PPFIA2: variants seen among roughly 807,000 people sequenced by gnomAD.
PPFIA2 encodes the protein liprin-alpha-2.
In PPFIA2, 46 loss-of-function variants were observed where a neutral mutation model predicts 175.5. The ratio of observed to expected loss-of-function variants is 0.26; its 90% CI spans 0.21 to 0.34. PPFIA2 has a LOEUF of 0.34. Among genes scored for constraint, PPFIA2 ranks in the 10% least tolerant of loss-of-function variants. PPFIA2 has a pLI of 1.00. For missense variants in PPFIA2, 1,179 were observed against 1,506.1 expected, an observed-to-expected ratio of 0.78 and a Z score of 3.60; for synonymous variants, 568 against 511.4, an observed-to-expected ratio of 1.11 and a Z score of -1.49.
chr12:81,357,614 T>A (rs2061042078), intron 16 of PPFIA2, among the ~76,000 whole-genome samples: 1 of 152,188 alleles, frequency 6.6e-6, no homozygotes, highest in Non-Finnish European at 1.5e-5. Flanking sequence ...AAATACCAAT[T>A]TTAATTAAGT....
intron 8 of PPFIA2, among the ~76,000 whole-genome samples, chr12:81,387,430 T>C (rs963015553): frequency 2.0e-5 from 3 of 151,950 alleles, no homozygotes; most frequent in Admixed American, 6.6e-5. Context: ...GAAAGCATCA[T>C]GAAAGCAGTG....
At chr12:81,280,946 A>G (rs576768477) in intron 27 of PPFIA2, among the ~76,000 whole-genome samples, 3 of 152,236 alleles carry the variant, frequency 2.0e-5, no homozygotes, top group African/African-American at 7.2e-5. Context: ...ATAAACACAT[A>G]TAACTATAAA....
intron 17 of PPFIA2, among the ~76,000 whole-genome samples, chr12:81,350,838 G>T (rs1186092510): frequency 6.6e-6 from 1 of 152,060 alleles, no homozygotes; most frequent in Non-Finnish European, 1.5e-5. Context: ...GTGCAGTAGG[G>T]TGATGATAGG....
At chr12:81,739,833 C>T (rs535292966) in intron 3 of PPFIA2, among the ~76,000 whole-genome samples, 2 of 152,004 alleles carry the variant, frequency 1.3e-5, no homozygotes, top group African/African-American at 2.4e-5. Flanking sequence ...CAGGTAACAT[C>T]AATATTAACA....
At chr12:81,417,578 T>C (rs2045529030) in intron 7 of PPFIA2, among the ~76,000 whole-genome samples, 1 of 151,752 alleles carries the variant, frequency 6.6e-6, no homozygotes, top group Non-Finnish European at 1.5e-5. Flanking sequence ...TTTATTCATT[T>C]AGTTCCTTTC....
intron 19 of PPFIA2, among the ~76,000 whole-genome samples, chr12:81,342,946 TATA>T (rs141700038): frequency 0.041 from 6,088 of 147,532 alleles, 210 homozygotes; most frequent in African/African-American, 0.086. Flanking sequence ...AAACTTAAAG[TATA>T]ATAATAATAA....
intron 16 of PPFIA2, among the ~76,000 whole-genome samples, chr12:81,357,757 A>G (rs2061060802): frequency 6.6e-6 from 1 of 152,142 alleles, no homozygotes; most frequent in Non-Finnish European, 1.5e-5. Flanking sequence ...ACATAGGCCC[A>G]AGTTTTGACT....
At chr12:81,585,646 C>T (rs1018971218) in intron 4 of PPFIA2, among the ~76,000 whole-genome samples, 22 of 151,772 alleles carry the variant, frequency 1.4e-4, no homozygotes, top group Non-Finnish European at 2.9e-4. Context: ...ACAATAACAC[C>T]CACAGAGCTG....
At position 81,362,710 on chromosome 12, in the gene PPFIA2, A is replaced by C. The variant is rs1393089010; in HGVS notation, c.1620T>G (p.Ile540Met). The C allele has an allele frequency of 6.5e-7, 1 of 1,545,878 alleles. No individual in the cohort carries two copies. Among genetic ancestry groups the C allele is most frequent in the Admixed American group, 2.0e-5 (1 of 50,860 alleles). The change falls in exon 15 of 33, where the codon ATT becomes ATG. Residue 540 changes from isoleucine to methionine, a missense_variant. Physicochemically the swap from Ile to Met is conservative, Grantham distance 10. This residue lies in a region of PPFIA2 where 186 missense variants were observed against 163.6 expected (regional missense o/e 1.14). Coordinates refer to ENST00000549396, the MANE Select transcript of PPFIA2 (RefSeq NM_003625.5). ...AATGTTACCTTGGTATTGTGGGTTC[A>C]ATTAAAGAGCCAGTTCTCATTTTCA... ...DQLKMRTGSL[I>M]EPTIPRTHLD... is the part of the protein sequence containing the mutation.
chr12:81,584,972 TATATATTAATTATATTTATATATA>T (rs1205222036), intron 4 of PPFIA2, among the ~76,000 whole-genome samples: 37,179 of 78,780 alleles, frequency 0.47, 10,211 homozygotes, highest in Non-Finnish European at 0.53. Flanking sequence ...TATAATATAT[TATATATTAATTATATTTATATATA>T]ATATATTAAT....
intron 3 of PPFIA2, among the ~76,000 whole-genome samples, chr12:81,725,735 A>C (rs17747493): frequency 0.13 from 20,327 of 150,970 alleles, 1,660 homozygotes; most frequent in Middle Eastern, 0.23. Flanking sequence ...AGAAACAAGC[A>C]CAGACAACCC....
At chr12:81,609,373 G>A (rs1015780140) in intron 4 of PPFIA2, among the ~76,000 whole-genome samples, 3 of 152,054 alleles carry the variant, frequency 2.0e-5, no homozygotes, top group Non-Finnish European at 2.9e-5. Flanking sequence ...TCAGTGGGGC[G>A]TTGAAGTCTC....
chr12:81,572,730 T>C (rs2072781256), intron 4 of PPFIA2, among the ~76,000 whole-genome samples: 6 of 152,052 alleles, frequency 3.9e-5, no homozygotes, highest in Admixed American at 3.9e-4. Context: ...TGCTCAGATC[T>C]GTTTTTTAAA....
chr12:81,393,610 C>T (rs550757209), intron 8 of PPFIA2, among the ~76,000 whole-genome samples: 38 of 152,132 alleles, frequency 2.5e-4, no homozygotes, highest in African/African-American at 8.9e-4. Context: ...AAACAGATTG[C>T]TCCCCTTTCA....
intron 3 of PPFIA2, among the ~76,000 whole-genome samples, chr12:81,737,000 G>A (rs2081663181): frequency 6.6e-6 from 1 of 151,954 alleles, no homozygotes; most frequent in African/African-American, 2.4e-5. Flanking sequence ...TAAAGTTGCA[G>A]ACTTCTTCCA....
In PPFIA2 at chr12:81,564,599, G is replaced by T. The variant is rs2070901081; in HGVS notation, c.304-106733C>A. Among the ~76,000 whole-genome samples, 5 of 152,142 alleles carry T rather than the reference G, an allele frequency of 3.3e-5. No homozygotes were observed. In the South Asian group the frequency reaches 8.3e-4, roughly 25 times the overall value. ...GTAGAACACTGATAGTCCTTGGTGT[G>T]AACTGTTTAGAGAGTTATGCAAAAT... On this transcript the variant is annotated intron_variant, in intron 4 of 32. Coordinates refer to ENST00000549396, the MANE Select transcript of PPFIA2 (RefSeq NM_003625.5).
intron 7 of PPFIA2, among the ~76,000 whole-genome samples, chr12:81,413,201 G>A (rs1247482315): frequency 6.6e-6 from 1 of 151,614 alleles, no homozygotes; most frequent in East Asian, 1.9e-4. Flanking sequence ...TTAGGACACT[G>A]ACTGACAAAC....
At chr12:81,686,191 G>A (rs2153581593) in intron 3 of PPFIA2, among the ~76,000 whole-genome samples, 1 of 152,154 alleles carries the variant, frequency 6.6e-6, no homozygotes, top group South Asian at 2.1e-4. Context: ...CAAATTGCAG[G>A]CAGAATAATT....
intron 7 of PPFIA2, among the ~76,000 whole-genome samples, chr12:81,435,956 T>A (rs559710366): frequency 2.6e-5 from 4 of 152,124 alleles, no homozygotes; most frequent in East Asian, 1.9e-4. Flanking sequence ...TAAGGGACAC[T>A]TGTAAATACA....
Sources: gnomAD v4.1 joint callset for allele counts (sites outside exome capture counted in the v4.1 genomes callset) on GRCh38, gnomAD v4.1.1 for gene constraint, gnomAD v4.1.1 regional missense constraint, MANE v1.5 for transcripts, NCBI Gene and HGNC (gene_info 2026-07-23, HGNC 2026-07-21) for gene names.